Variants in TTC7B observed in about 807,000 individuals in gnomAD.
TTC7B encodes tetratricopeptide repeat protein 7B.
A neutral mutation model predicts 106.8 loss-of-function variants in TTC7B; 28 were observed. That is an observed-to-expected ratio of 0.26 (90% confidence interval 0.19 to 0.36). The LOEUF (loss-of-function observed/expected upper bound fraction) is 0.36, where lower values mean the gene tolerates loss of function less well. TTC7B is among the 10% of genes least tolerant of loss of function. TTC7B has a pLI of 1.00. For synonymous variants in TTC7B, 405 were observed against 430.6 expected (o/e 0.94, Z 0.74); for missense variants, 862 against 1,076.4 (o/e 0.80, Z 2.79).
chr14:90,648,527 T>G (rs1009916198), intron 13 of TTC7B: 3 of 152,100 alleles, frequency 2.0e-5, no homozygotes, highest in Non-Finnish European at 4.4e-5. Context: ...ATTTATAGAA[T>G]TTTTTGTAGA....
At chr14:90,615,957 G>GA (rs1893056415) in intron 16 of TTC7B, among the ~76,000 whole-genome samples, 1 of 152,164 alleles carries the variant, frequency 6.6e-6, no homozygotes, top group Non-Finnish European at 1.5e-5. Flanking sequence ...CTCTGGCCCT[G>GA]AAGGAACCTT....
rs1889298549 is a variant in TTC7B, at chr14:90,531,884, TA to T, written c.*9483del. ...CCTTTCTTATTTAATTTTGTAGTTT[TA>T]AAAACTGCTACATAGGCCAGGCACA... On this transcript the variant is annotated 3_prime_UTR_variant, in exon 20 of 20. Coordinates refer to ENST00000328459, the MANE Select transcript of TTC7B (RefSeq NM_001010854.2). 6.6e-6 allele frequency: 1 copy of T among 152,220 alleles called. No individual in the cohort carries two copies. Among genetic ancestry groups the T allele is most frequent in the Non-Finnish European group, 1.5e-5 (1 of 68,040 alleles). The allele number at this position is 152,220 out of a possible 1,614,324, so 9.4% of individuals were successfully genotyped here. A position where few individuals can be genotyped will look rare whatever the true frequency, so the allele number is the denominator to read the frequency against.
chr14:90,756,964 A>T (rs1218374317), intron 3 of TTC7B, among the ~76,000 whole-genome samples: 3 of 152,208 alleles, frequency 2.0e-5, no homozygotes, highest in African/African-American at 7.2e-5. Flanking sequence ...GGAAGCTTTG[A>T]CCAGCAACCT....
intron 5 of TTC7B, among the ~76,000 whole-genome samples, chr14:90,721,453 A>C (rs1888895251): frequency 6.6e-6 from 1 of 152,370 alleles, no homozygotes; most frequent in South Asian, 2.1e-4. Context: ...GACCTAGCCC[A>C]CATTTAAACA....
chr14:90,598,739 T>C (rs1892314069), intron 17 of TTC7B, among the ~76,000 whole-genome samples: 2 of 152,258 alleles, frequency 1.3e-5, no homozygotes, highest in South Asian at 4.1e-4. Context: ...CTTTTTCCAA[T>C]GCACATGACA....
At chr14:90,812,126 G>A (rs776968636) in intron 1 of TTC7B, among the ~76,000 whole-genome samples, 6 of 152,244 alleles carry the variant, frequency 3.9e-5, no homozygotes, top group Non-Finnish European at 5.9e-5. Flanking sequence ...ATCCTCACAC[G>A]TGCCCTGAGA....
At chr14:90,772,017 A>T (rs1034459658) in intron 3 of TTC7B, among the ~76,000 whole-genome samples, 2 of 146,756 alleles carry the variant, frequency 1.4e-5, no homozygotes, top group African/African-American at 5.0e-5. Flanking sequence ...TAAATAAAGA[A>T]ATATATATAT....
intron 5 of TTC7B, among the ~76,000 whole-genome samples, chr14:90,718,381 G>A (rs762831802): frequency 1.3e-5 from 2 of 152,166 alleles, no homozygotes; most frequent in African/African-American, 2.4e-5. Flanking sequence ...TAAAGCCACC[G>A]TTATTGTATT....
intron 9 of TTC7B, among the ~76,000 whole-genome samples, 186 bp from the exon 10 acceptor site, chr14:90,658,573 C>A (rs1045431415): frequency 1.3e-5 from 2 of 152,200 alleles, no homozygotes; most frequent in Non-Finnish European, 2.9e-5. Context: ...TGCACCATGC[C>A]GGTGGCCAGG....
At chr14:90,545,894 C>T (rs1188150890) in intron 19 of TTC7B, among the ~76,000 whole-genome samples, 1 of 152,198 alleles carries the variant, frequency 6.6e-6, no homozygotes, top group Non-Finnish European at 1.5e-5. Context: ...TGGAAATTTC[C>T]AGCCCATATA....
intron 3 of TTC7B, among the ~76,000 whole-genome samples, chr14:90,750,632 G>A (rs973277518): frequency 1.3e-5 from 2 of 152,180 alleles, no homozygotes; most frequent in Non-Finnish European, 2.9e-5. Context: ...TTTCCTGTGG[G>A]TTCATGTTCT....
intron 9 of TTC7B, among the ~76,000 whole-genome samples, chr14:90,660,417 A>AAAAAAAGAAAAG (rs1555386791): frequency 3.3e-5 from 4 of 119,498 alleles, no homozygotes; most frequent in African/African-American, 1.5e-4. Flanking sequence ...AAAAAAAAAA[A>AAAAAAAGAAAAG]AAAAGAAAAG....
At chr14:90,699,097 C>T (rs1887881445) in intron 5 of TTC7B, 1 of 449,050 alleles carries the variant, frequency 2.2e-6, no homozygotes, top group African/African-American at 2.0e-5. Context: ...CCCCCTTGGG[C>T]CCCATGGCAG....
intron 17 of TTC7B, chr14:90,601,963 T>C (rs1892442801): frequency 2.9e-6 from 1 of 349,348 alleles, no homozygotes; most frequent in African/African-American, 2.1e-5. Context: ...GGGAAATCTC[T>C]TTTATGAAGC....
At chr14:90,636,839 T>C (rs1448152474) in intron 15 of TTC7B, among the ~76,000 whole-genome samples, 1 of 151,594 alleles carries the variant, frequency 6.6e-6, no homozygotes, top group Non-Finnish European at 1.5e-5. Flanking sequence ...AATTATACAA[T>C]AATAAAAATT....
intron 13 of TTC7B, among the ~76,000 whole-genome samples, chr14:90,647,834 A>C (rs780545311): frequency 3.3e-5 from 5 of 152,198 alleles, no homozygotes; most frequent in Admixed American, 6.5e-5. Flanking sequence ...ACAAACTTCT[A>C]CTTTCTTTAA....
intron 19 of TTC7B, among the ~76,000 whole-genome samples, chr14:90,554,009 T>C (rs1192047166): frequency 6.6e-6 from 1 of 152,182 alleles, no homozygotes; most frequent in East Asian, 1.9e-4. Flanking sequence ...GCACCTAGGG[T>C]GCTGGCAGCC....
chr14:90,642,416 G>A (rs1885220187), intron 15 of TTC7B, among the ~76,000 whole-genome samples: 1 of 152,210 alleles, frequency 6.6e-6, no homozygotes, highest in South Asian at 2.1e-4. Flanking sequence ...TAAAGCCAGA[G>A]CTGACCCACT....
At chr14:90,706,690 TTGATAGCTTCTTCGCTATACGGA>T (rs1349086551) in intron 5 of TTC7B, among the ~76,000 whole-genome samples, 1 of 152,240 alleles carries the variant, frequency 6.6e-6, no homozygotes, top group East Asian at 1.9e-4. Context: ...CTAGGAATCT[TTGATAGCTTCTTCGCTATACGGA>T]TGTAGGTAAA....
Sources: gnomAD v4.1 joint callset for allele counts (sites outside exome capture counted in the v4.1 genomes callset) on GRCh38, gnomAD v4.1.1 for gene constraint, MANE v1.5 for transcripts, NCBI Gene and HGNC (gene_info 2026-07-23, HGNC 2026-07-21) for gene names.